LSAMP: variants seen among roughly 807,000 people sequenced by gnomAD.
LSAMP encodes the protein limbic system-associated membrane protein.
In LSAMP, 7 loss-of-function variants were observed where a neutral mutation model predicts 38.6. The observed-to-expected ratio is 0.18, with a 90% confidence interval of 0.10 to 0.34. LSAMP has a LOEUF of 0.34. Among genes scored for constraint, LSAMP ranks in the 10% least tolerant of loss-of-function variants. The pLI is 1.00. For missense variants in LSAMP, 313 were observed against 420.0 expected (o/e 0.75, Z 2.23); for synonymous variants, 154 against 166.8 (o/e 0.92, Z 0.59).
At chr3:116,184,851 C>T (rs1710573571) in intron 1 of LSAMP, among the ~76,000 whole-genome samples, 1 of 151,558 alleles carries the variant, frequency 6.6e-6, no homozygotes, top group Admixed American at 6.6e-5. Flanking sequence ...TTTTATTTTT[C>T]TCTTTCCAAC....
rs547601533 is a variant in LSAMP at position 115,915,232 on chromosome 3, T to C, written c.515-62615A>G. Among the ~76,000 whole-genome samples the C allele has an allele frequency of 6.6e-4, 101 of 152,318 alleles. 1 individual carries two copies. Among genetic ancestry groups the C allele is most frequent in the African/African-American group, 2.3e-3 (94 of 41,556 alleles). On this transcript the variant is annotated intron_variant, in intron 3 of 6. Coordinates refer to ENST00000490035, the MANE Select transcript of LSAMP (RefSeq NM_002338.5). ...ACATTCCTAACTTTTCTGAGACAACTCCCATGCTATTCAAGATGGCTAACT... is the reference window on the plus strand; with the variant it reads ...ACATTCCTAACTTTTCTGAGACAACCCCCATGCTATTCAAGATGGCTAACT...
intron 1 of LSAMP, among the ~76,000 whole-genome samples, chr3:116,227,347 T>C (rs904232842): frequency 2.0e-5 from 3 of 152,326 alleles, no homozygotes; most frequent in African/African-American, 7.2e-5. Flanking sequence ...GCACTAATTA[T>C]AATATATATT....
chr3:116,112,654 G>A (rs969855492), intron 1 of LSAMP, among the ~76,000 whole-genome samples: 1 of 152,150 alleles, frequency 6.6e-6, no homozygotes, highest in Non-Finnish European at 1.5e-5. Flanking sequence ...ATTGGAAAGA[G>A]TGGATCTGGT....
intron 1 of LSAMP, among the ~76,000 whole-genome samples, chr3:116,274,035 T>G (rs1356374218): frequency 6.7e-6 from 1 of 150,326 alleles, no homozygotes; most frequent in Non-Finnish European, 1.5e-5. Flanking sequence ...GTGTTCTCAT[T>G]AAATGTTACC....
chr3:116,273,216 C>T (rs1252730062), intron 1 of LSAMP, among the ~76,000 whole-genome samples: 5 of 152,072 alleles, frequency 3.3e-5, no homozygotes, highest in Admixed American at 2.6e-4. Context: ...TTATCCTTGA[C>T]TGACACAGCA....
intron 1 of LSAMP, among the ~76,000 whole-genome samples, chr3:116,112,376 C>A (rs1487867206): frequency 6.6e-6 from 1 of 152,198 alleles, no homozygotes; most frequent in Non-Finnish European, 1.5e-5. Flanking sequence ...CACAGTTTAA[C>A]ATAGCCAGCT....
At chr3:116,152,985 A>C (rs1709646399) in intron 1 of LSAMP, among the ~76,000 whole-genome samples, 1 of 152,048 alleles carries the variant, frequency 6.6e-6, no homozygotes, top group African/African-American at 2.4e-5. Flanking sequence ...AAAAATACTC[A>C]AAAGGAGATT....
chr3:115,911,772 A>T lies in LSAMP; in HGVS notation c.515-59155T>A, dbSNP rs533293997. 4.6e-5 allele frequency among the ~76,000 whole-genome samples: 7 copies of T among 152,226 alleles called. No individual in the cohort carries two copies. The South Asian group carries it at 1.0e-3, about 23-fold the overall frequency. Reference sequence around the variant, plus strand: ...GCAAAAGCCAAAATTATTTTCCAAAATGGCTATACAATTTTACATTCCCAC... The same window carrying T: ...GCAAAAGCCAAAATTATTTTCCAAATTGGCTATACAATTTTACATTCCCAC... On this transcript the variant is annotated intron_variant, in intron 3 of 6. Coordinates refer to ENST00000490035, the MANE Select transcript of LSAMP (RefSeq NM_002338.5).
At chr3:116,254,420 G>A (rs2046724212) in intron 1 of LSAMP, among the ~76,000 whole-genome samples, 1 of 152,010 alleles carries the variant, frequency 6.6e-6, no homozygotes, top group Non-Finnish European at 1.5e-5. Context: ...AAGAGGAGGG[G>A]GTGATAGAGG....
chr3:116,354,303 C>A (rs1424727642), intron 1 of LSAMP, among the ~76,000 whole-genome samples: 2 of 152,132 alleles, frequency 1.3e-5, no homozygotes, highest in Non-Finnish European at 2.9e-5. Context: ...TATGCAAACT[C>A]CACACCTTAT....
chr3:116,018,117 G>T (rs1477044618), intron 3 of LSAMP, among the ~76,000 whole-genome samples: 2 of 152,064 alleles, frequency 1.3e-5, no homozygotes, highest in South Asian at 2.1e-4. Flanking sequence ...GTTTAAGATT[G>T]CTCTCCCAAA....
intron 1 of LSAMP, among the ~76,000 whole-genome samples, chr3:116,366,175 GA>G (rs558187558): frequency 7.9e-4 from 117 of 148,740 alleles, no homozygotes; most frequent in Non-Finnish European, 1.0e-3. Context: ...AAACTTACAA[GA>G]AAAAAAAAAT....
intron 1 of LSAMP, among the ~76,000 whole-genome samples, chr3:116,176,078 C>T (rs1446955336): frequency 1.3e-5 from 2 of 152,064 alleles, no homozygotes; most frequent in Non-Finnish European, 2.9e-5. Context: ...AGTCTTCTAC[C>T]TTGACAGAGC....
At chr3:115,813,314 T>C (rs1324410454) in intron 6 of LSAMP, among the ~76,000 whole-genome samples, 1 of 152,140 alleles carries the variant, frequency 6.6e-6, no homozygotes, top group Non-Finnish European at 1.5e-5. Context: ...ATACTTACCA[T>C]TGCCCATAGT....
chr3:116,208,578 T>C (rs1490215252), intron 1 of LSAMP, among the ~76,000 whole-genome samples: 3 of 152,226 alleles, frequency 2.0e-5, no homozygotes, highest in East Asian at 3.9e-4. Flanking sequence ...GATGGGTTTT[T>C]CGTGTGGATG....
chr3:116,132,599 G>A (rs1408959694), intron 1 of LSAMP, among the ~76,000 whole-genome samples: 1 of 152,168 alleles, frequency 6.6e-6, no homozygotes, highest in Admixed American at 6.5e-5. Context: ...TTTTAAGGTG[G>A]CGAGTAGTCT....
At chr3:116,280,088 T>G (rs1328556490) in intron 1 of LSAMP, among the ~76,000 whole-genome samples, 1 of 152,204 alleles carries the variant, frequency 6.6e-6, no homozygotes. Context: ...AACTTTTCAC[T>G]CTGGTGTAAC....
At chr3:116,387,972 T>C (rs2116309) in intron 1 of LSAMP, among the ~76,000 whole-genome samples, 150,993 of 151,912 alleles carry the variant, frequency 0.99, 75,046 homozygotes, top group Middle Eastern at 1. Context: ...GGTGTGGTGG[T>C]GGGTGCCTGT....
intron 3 of LSAMP, among the ~76,000 whole-genome samples, chr3:116,019,220 TAGATAGAC>T (rs1034759888): frequency 7.3e-5 from 11 of 151,148 alleles, no homozygotes; most frequent in Non-Finnish European, 1.6e-4. Context: ...TCTTGATAGA[TAGATAGAC>T]AGATAGATAG....
Sources: gnomAD v4.1 joint callset for allele counts (sites outside exome capture counted in the v4.1 genomes callset) on GRCh38, gnomAD v4.1.1 for gene constraint, MANE v1.5 for transcripts, NCBI Gene and HGNC (gene_info 2026-07-23, HGNC 2026-07-21) for gene names.